The following UBXN7 variants were observed in gnomAD, a reference collection of about 807,000 sequenced individuals.
UBXN7 encodes UBX domain-containing protein 7.
Under a neutral mutation model 58.0 loss-of-function variants are expected in UBXN7, and 9 were observed. That is an observed-to-expected ratio of 0.16 (90% CI 0.09 to 0.27). The LOEUF (loss-of-function observed/expected upper bound fraction) is 0.27. Among genes scored for constraint, UBXN7 ranks in the 10% least tolerant of loss-of-function variants. UBXN7 has a pLI of 1.00. For synonymous variants in UBXN7, 208 were observed against 205.0 expected, an observed-to-expected ratio of 1.01 and a Z score of -0.12; for missense variants, 328 against 599.6, an observed-to-expected ratio of 0.55 and a Z score of 4.73.
chr3:196,396,073 T>C (rs1729760797), intron 3 of UBXN7, among the ~76,000 whole-genome samples: 1 of 150,552 alleles, frequency 6.6e-6, no homozygotes, highest in Admixed American at 6.6e-5. Context: ...GCCTGAATTT[T>C]ATTTTTAATT....
chr3:196,406,207 A>AT (rs1255334965), intron 2 of UBXN7, among the ~76,000 whole-genome samples: 4 of 151,776 alleles, frequency 2.6e-5, no homozygotes, highest in Non-Finnish European at 5.9e-5. Context: ...TAATTTTTGT[A>AT]TTTTTTGTAG....
chr3:196,417,136 A>AC (rs1225441098), intron 1 of UBXN7, among the ~76,000 whole-genome samples: 2 of 152,046 alleles, frequency 1.3e-5, no homozygotes, highest in African/African-American at 2.4e-5. Context: ...ACACGGTGAA[A>AC]CCCCGTCTCT....
At chr3:196,378,502 G>A (rs1698833078) in intron 5 of UBXN7, among the ~76,000 whole-genome samples, 2 of 152,332 alleles carry the variant, frequency 1.3e-5, no homozygotes, top group Middle Eastern at 3.4e-3. Context: ...AGGCAGAGCA[G>A]CCCAAGGGCT....
chr3:196,407,190 G>C (rs1168665761), intron 2 of UBXN7, 56 bp downstream of exon 2: 1 of 1,568,980 alleles, frequency 6.4e-7, no homozygotes, highest in Non-Finnish European at 8.6e-7. Flanking sequence ...TGATAAAAAT[G>C]CAACTACTTA....
intron 6 of UBXN7, among the ~76,000 whole-genome samples, chr3:196,371,429 A>C (rs1728829507): frequency 6.6e-6 from 1 of 152,098 alleles, no homozygotes; most frequent in Admixed American, 6.6e-5. Context: ...CTACTGGAAA[A>C]ATTTAAATTA....
chr3:196,370,043 T>C (rs1577438103), intron 6 of UBXN7, among the ~76,000 whole-genome samples: 2 of 147,596 alleles, frequency 1.4e-5, no homozygotes, highest in African/African-American at 5.0e-5. Flanking sequence ...AGCAGGGGAA[T>C]CGCTTGAACC....
intron 1 of UBXN7, among the ~76,000 whole-genome samples, chr3:196,421,026 C>T (rs1172510400): frequency 6.6e-6 from 1 of 152,096 alleles, no homozygotes; most frequent in Non-Finnish European, 1.5e-5. Flanking sequence ...AACTATTTGC[C>T]AAGGATATGG....
intron 1 of UBXN7, among the ~76,000 whole-genome samples, chr3:196,429,074 T>C (rs1730939715): frequency 6.6e-6 from 1 of 150,858 alleles, no homozygotes. Context: ...ACACGTGTAA[T>C]CCCAGCACTT....
intron 3 of UBXN7, among the ~76,000 whole-genome samples, chr3:196,401,836 A>C (rs147510622): frequency 1.3e-5 from 2 of 149,686 alleles, no homozygotes; most frequent in African/African-American, 4.9e-5. Flanking sequence ...AGAAGAGAAG[A>C]GAAGAGAAGA....
chr3:196,376,439 G>A (rs751095277), intron 5 of UBXN7, among the ~76,000 whole-genome samples: 3 of 150,962 alleles, frequency 2.0e-5, no homozygotes, highest in Non-Finnish European at 3.0e-5. Flanking sequence ...CCAGCTACTC[G>A]GGAGGGTGAG....
rs370907976 is a variant in UBXN7 at position 196,368,049 on chromosome 3, G to A, written c.813C>T (p.Pro271=). The change falls in exon 8 of 11, where the codon CCC becomes CCT. Residue 271 remains proline, a synonymous_variant. Transcript: ENST00000296328. ...HGQLDGLSSS[P]PKKCARSESL... ...TTACTGAACGGGCACATTTTTTGGGGGGACTGCTAGAAAGTCCATCCAGTT... is the reference window on the plus strand; with the variant it reads ...TTACTGAACGGGCACATTTTTTGGGAGGACTGCTAGAAAGTCCATCCAGTT... 1.1e-5 allele frequency: 18 copies of A among 1,612,404 alleles called. No homozygotes were observed. Among genetic ancestry groups the A allele is most frequent in the Non-Finnish European group, 1.4e-5 (16 of 1,179,376 alleles).
intron 1 of UBXN7, among the ~76,000 whole-genome samples, chr3:196,427,008 G>T (rs1436034740): frequency 6.6e-6 from 1 of 152,122 alleles, no homozygotes; most frequent in Non-Finnish European, 1.5e-5. Flanking sequence ...GTATGTTATT[G>T]CCGCTATGCA....
chr3:196,422,921 A>C lies in UBXN7; in HGVS notation c.73+9406T>G, dbSNP rs1730732647. 3.3e-5 allele frequency among the ~76,000 whole-genome samples: 5 copies of C among 152,360 alleles called. No individual in the cohort carries two copies. The South Asian group carries it at 1.0e-3, about 32-fold the overall frequency. ...TACAATGGTATACTATTCCCCAATA[A>C]ATAGGAAGGAACTACTAACCATGAC... On this transcript the variant is annotated intron_variant, in intron 1 of 10. Coordinates refer to ENST00000296328, the MANE Select transcript of UBXN7 (RefSeq NM_015562.2).
At chr3:196,395,726 G>C (rs1729748584) in intron 3 of UBXN7, among the ~76,000 whole-genome samples, 1 of 151,612 alleles carries the variant, frequency 6.6e-6, no homozygotes, top group Non-Finnish European at 1.5e-5. Flanking sequence ...CCAAAGTGCT[G>C]GGATTACAGG....
At chr3:196,429,828 G>A (rs187630109) in intron 1 of UBXN7, among the ~76,000 whole-genome samples, 4 of 152,266 alleles carry the variant, frequency 2.6e-5, no homozygotes, top group African/African-American at 7.2e-5. Flanking sequence ...TCGCTCTGTA[G>A]ATCTCCAGAT....
chr3:196,385,816 C>T lies in UBXN7; in HGVS notation c.468+5997G>A, dbSNP rs765871482. 2.2e-3 allele frequency among the ~76,000 whole-genome samples: 329 copies of T among 151,730 alleles called. 2 individuals carry two copies. The highest frequency in any genetic ancestry group is 7.5e-3 in the South Asian group (36 of 4,770). On this transcript the variant is annotated intron_variant, in intron 5 of 10. Coordinates refer to ENST00000296328, the MANE Select transcript of UBXN7 (RefSeq NM_015562.2). ...TGGGGGGGGTGGGGGCGCCTCTGCCCGGCCGCCCCGTCTGGGAAGTGAGGA... is the reference window on the plus strand; with the variant it reads ...TGGGGGGGGTGGGGGCGCCTCTGCCTGGCCGCCCCGTCTGGGAAGTGAGGA...
intron 5 of UBXN7, 79 bp from the exon 6 acceptor site, chr3:196,372,121 T>C: frequency 6.9e-7 from 1 of 1,458,724 alleles, no homozygotes; most frequent in South Asian, 1.4e-5. Flanking sequence ...TCAGAGGTTG[T>C]TGTCTTTCAT....
intron 1 of UBXN7, among the ~76,000 whole-genome samples, chr3:196,427,154 AC>A (rs1250753293): frequency 9.2e-5 from 14 of 151,752 alleles, no homozygotes; most frequent in Admixed American, 4.6e-4. Flanking sequence ...CCTCACCTTC[AC>A]TCCATGAATT....
At chr3:196,395,116 G>C (rs1729729143) in intron 3 of UBXN7, among the ~76,000 whole-genome samples, 1 of 152,114 alleles carries the variant, frequency 6.6e-6, no homozygotes, top group Non-Finnish European at 1.5e-5. Flanking sequence ...TTATGGCAAG[G>C]CTGGCCAGCA....
Sources: allele counts gnomAD v4.1 joint callset (sites outside exome capture counted in the v4.1 genomes callset), GRCh38; gene constraint gnomAD v4.1.1; transcripts MANE v1.5; gene names NCBI Gene and HGNC (gene_info 2026-07-23, HGNC 2026-07-21).